TRIM44: variants seen among roughly 807,000 people sequenced by gnomAD.
TRIM44 encodes tripartite motif-containing protein 44.
Under a neutral mutation model 37.4 loss-of-function variants are expected in TRIM44, and 13 were observed. The observed-to-expected ratio is 0.35, with a 90% CI of 0.23 to 0.55. TRIM44 has a LOEUF of 0.55. Among genes scored for constraint, TRIM44 ranks in the 20% least tolerant of loss-of-function variants. The pLI is 0.89. For missense variants in TRIM44, 426 were observed against 437.2 expected, an observed-to-expected ratio of 0.97 and a Z score of 0.23; for synonymous variants, 175 against 157.2, an observed-to-expected ratio of 1.11 and a Z score of -0.85.
intron 2 of TRIM44, among the ~76,000 whole-genome samples, chr11:35,716,016 G>A (rs958082067): frequency 6.6e-6 from 1 of 152,146 alleles, no homozygotes; most frequent in East Asian, 1.9e-4. Flanking sequence ...GATTACAATT[G>A]AATGTGAGAT....
chr11:35,741,935 A>G (rs1852402580), intron 4 of TRIM44, among the ~76,000 whole-genome samples: 1 of 152,064 alleles, frequency 6.6e-6, no homozygotes. Flanking sequence ...CTATCTATCT[A>G]TTTATTTATT....
intron 4 of TRIM44, among the ~76,000 whole-genome samples, chr11:35,800,124 C>T (rs572824714): frequency 1.3e-5 from 2 of 152,044 alleles, no homozygotes; most frequent in South Asian, 2.1e-4. Flanking sequence ...TTAAAGGTGG[C>T]GTGTCCAGAG....
At position 35,714,953 on chromosome 11, in the gene TRIM44, ATAG is replaced by A. The variant is rs373347485; in HGVS notation, c.748-10970_748-10968del. 2.7e-3 allele frequency among the ~76,000 whole-genome samples: 413 copies of A among 152,308 alleles called. 4 individuals carry two copies. Among genetic ancestry groups the A allele is most frequent in the South Asian group, 0.01 (50 of 4,826 alleles). On this transcript the variant is annotated intron_variant, in intron 2 of 4. Coordinates refer to ENST00000299413, the MANE Select transcript of TRIM44 (RefSeq NM_017583.6). ...CACATTCTTCTAGTTTCATATTCCT[ATAG>A]CAGGGGCCACCCAGAATTTTTTTGT... is the stretch of plus-strand genomic sequence containing the variant.
Position 35,747,460 on chromosome 11 carries a change from C to A in TRIM44, c.1007+12015C>A, listed in dbSNP as rs569750326. Reference sequence around the variant, plus strand: ...ACCCAGATCTATCAGGGTTAAAATTCTATGCTTCCAACTATTATACTGTAC... The same window carrying A: ...ACCCAGATCTATCAGGGTTAAAATTATATGCTTCCAACTATTATACTGTAC... On this transcript the variant is annotated intron_variant, in intron 4 of 4. Transcript: ENST00000299413. 8.8e-4 allele frequency among the ~76,000 whole-genome samples: 134 copies of A among 152,302 alleles called. 1 individual carries two copies. Among genetic ancestry groups the A allele is most frequent in the African/African-American group, 3.1e-3 (130 of 41,574 alleles).
intron 2 of TRIM44, among the ~76,000 whole-genome samples, chr11:35,709,058 G>A (rs967909710): frequency 4.6e-5 from 7 of 151,476 alleles, no homozygotes; most frequent in African/African-American, 9.7e-5. Flanking sequence ...CAGGTAAAAC[G>A]TACCCCATTA....
In TRIM44 at chr11:35,807,448, C is replaced by T. The variant is rs754349050; in HGVS notation, c.*1063C>T. The T allele has an allele frequency of 2.0e-5, 3 of 152,208 alleles. No homozygotes were observed. Among genetic ancestry groups the T allele is most frequent in the Non-Finnish European group, 4.4e-5 (3 of 68,044 alleles). 9.4% of individuals were successfully genotyped at this position (152,208 alleles called of 1,614,324 possible). A position where few individuals can be genotyped will look rare whatever the true frequency, so the allele number is the denominator to read the frequency against. On this transcript the variant is annotated 3_prime_UTR_variant, in exon 5 of 5. Transcript: ENST00000299413. The stretch of plus-strand genomic sequence containing the variant: ...CACCCATAGACCTTCAGATCATCTC[C>T]CACACCCTGGATCTCACTCTCCTCT...
intron 2 of TRIM44, among the ~76,000 whole-genome samples, chr11:35,706,850 C>G (rs1851891891): frequency 6.6e-6 from 1 of 151,232 alleles, no homozygotes; most frequent in Non-Finnish European, 1.5e-5. Flanking sequence ...TGAAAACTGG[C>G]ACAAGACAGG....
chr11:35,787,783 T>G (rs1387659481), intron 4 of TRIM44, among the ~76,000 whole-genome samples: 2 of 152,192 alleles, frequency 1.3e-5, no homozygotes, highest in Admixed American at 1.3e-4. Flanking sequence ...GTTAAATGCC[T>G]TGTGCCCAAT....
chr11:35,806,399 C>A lies in TRIM44; in HGVS notation c.*14C>A. 1.9e-6 allele frequency: 3 copies of A among 1,613,648 alleles called. No homozygotes were observed. Among genetic ancestry groups the A allele is most frequent in the Non-Finnish European group, 2.5e-6 (3 of 1,179,660 alleles). The stretch of plus-strand genomic sequence containing the variant: ...GAGGACACATGAAGGCTTGCTACCC[C>A]CAGTGGAAAATCATCCCCTCCCCTT... On this transcript the variant is annotated 3_prime_UTR_variant, in exon 5 of 5. Coordinates refer to ENST00000299413, the MANE Select transcript of TRIM44 (RefSeq NM_017583.6).
intron 4 of TRIM44, among the ~76,000 whole-genome samples, chr11:35,773,415 T>A (rs1209504240): frequency 1.3e-5 from 2 of 152,162 alleles, no homozygotes; most frequent in Non-Finnish European, 1.5e-5. Context: ...TTGCAAATAT[T>A]TTCTCCCACT....
At chr11:35,768,757 G>A (rs1852829111) in intron 4 of TRIM44, among the ~76,000 whole-genome samples, 1 of 152,128 alleles carries the variant, frequency 6.6e-6, no homozygotes, top group African/African-American at 2.4e-5. Context: ...ACTCAAAAAT[G>A]CTTTTGGTTA....
At chr11:35,678,848 C>T (rs965225909) in intron 1 of TRIM44, among the ~76,000 whole-genome samples, 1 of 152,164 alleles carries the variant, frequency 6.6e-6, no homozygotes, top group African/African-American at 2.4e-5. Context: ...GATCCACCCA[C>T]TTTGGCCTCC....
chr11:35,687,939 C>T (rs1178173679), intron 2 of TRIM44, among the ~76,000 whole-genome samples: 1 of 152,094 alleles, frequency 6.6e-6, no homozygotes, highest in Non-Finnish European at 1.5e-5. Context: ...ATACTTGGAG[C>T]CAGCTTGAAG....
intron 1 of TRIM44, among the ~76,000 whole-genome samples, chr11:35,673,160 A>G (rs1851418840): frequency 6.6e-6 from 1 of 152,202 alleles, no homozygotes; most frequent in African/African-American, 2.4e-5. Context: ...GTTATATGCA[A>G]TGAAAACAAT....
chr11:35,678,360 C>CTTTT (rs1232797702), intron 1 of TRIM44, among the ~76,000 whole-genome samples: 1 of 151,958 alleles, frequency 6.6e-6, no homozygotes, highest in Non-Finnish European at 1.5e-5. Flanking sequence ...AGAGTTCGGC[C>CTTTT]TAAAAAGACT....
chr11:35,782,519 G>A (rs996009284), intron 4 of TRIM44, among the ~76,000 whole-genome samples: 1 of 152,260 alleles, frequency 6.6e-6, no homozygotes, highest in African/African-American at 2.4e-5. Context: ...AATGATGTCA[G>A]GACTGCCATG....
At chr11:35,734,320 C>G (rs2135520250) in intron 3 of TRIM44, among the ~76,000 whole-genome samples, 1 of 152,308 alleles carries the variant, frequency 6.6e-6, no homozygotes, top group Non-Finnish European at 1.5e-5. Context: ...ATTTAATCCT[C>G]ATACTCATCC....
At chr11:35,804,599 C>G (rs753679705) in intron 4 of TRIM44, among the ~76,000 whole-genome samples, 2 of 152,066 alleles carry the variant, frequency 1.3e-5, no homozygotes, top group Non-Finnish European at 2.9e-5. Context: ...GGATGTAATA[C>G]CAAAGGGGGA....
Position 35,663,619 on chromosome 11 carries a change from G to A in TRIM44, c.508G>A (p.Glu170Lys). Residue 170 changes from glutamate to lysine, a missense_variant, in exon 1 of 5, where the codon GAA becomes AAA. Glu to Lys is a moderately conservative substitution (Grantham distance 56, BLOSUM62 1). Around this residue, in one of 2 missense-constraint regions of TRIM44, gnomAD observed 331 missense variants for 303.0 expected, o/e 1.09. Transcript: ENST00000299413. ...TGAATTTGACCCAGAAATAGAAATG[G>A]AAGCAGAGAGAGTGGCCAAGAGGAA... The part of the protein sequence containing the change: ...ESEFDPEIEM[E>K]AERVAKRKCP... 1 of 1,614,156 alleles carries A rather than the reference G, an allele frequency of 6.2e-7. No individual in the cohort carries two copies. The highest frequency in any genetic ancestry group is 8.5e-7 in the Non-Finnish European group (1 of 1,180,032).
Sources: allele counts gnomAD v4.1 joint callset (sites outside exome capture counted in the v4.1 genomes callset), GRCh38; gene constraint gnomAD v4.1.1; regional missense constraint gnomAD v4.1.1; transcripts MANE v1.5; gene names NCBI Gene and HGNC (gene_info 2026-07-23, HGNC 2026-07-21).